TM9SF2: variants seen among roughly 807,000 people sequenced by gnomAD.
TM9SF2 encodes the protein 76 kDa membrane protein.
A neutral mutation model predicts 84.9 loss-of-function variants in TM9SF2; 13 were observed. The observed-to-expected ratio is 0.15, with a 90% CI of 0.10 to 0.24. TM9SF2 has a LOEUF of 0.24. Among genes scored for constraint, TM9SF2 ranks in the 10% least tolerant of loss-of-function variants. The pLI is 1.00. For missense variants in TM9SF2, 562 were observed against 818.5 expected, an observed-to-expected ratio of 0.69 and a Z score of 3.82; for synonymous variants, 273 against 285.8, an observed-to-expected ratio of 0.96 and a Z score of 0.45.
At chr13:99,556,542 C>T (rs190362610) in intron 15 of TM9SF2, among the ~76,000 whole-genome samples, 1 of 148,084 alleles carries the variant, frequency 6.8e-6, no homozygotes, top group Non-Finnish European at 1.5e-5. Context: ...CAGGGTTCAT[C>T]ATATCATGGC....
At chr13:99,512,066 G>A (rs553396981) in intron 1 of TM9SF2, among the ~76,000 whole-genome samples, 1 of 152,306 alleles carries the variant, frequency 6.6e-6, no homozygotes, top group South Asian at 2.1e-4. Context: ...CTGTCTTAGT[G>A]TCCTTTAAAA....
At chr13:99,517,564 G>A in intron 1 of TM9SF2, 50 bp from the exon 2 acceptor site, 1 of 1,250,264 alleles carries the variant, frequency 8.0e-7, no homozygotes, top group African/African-American at 1.5e-5. Flanking sequence ...ATGACTTAAG[G>A]CTTTGTGTCC....
At chr13:99,538,035 A>T (rs562318423) in intron 6 of TM9SF2, among the ~76,000 whole-genome samples, 172 bp downstream of exon 6, 1 of 152,200 alleles carries the variant, frequency 6.6e-6, no homozygotes, top group Non-Finnish European at 1.5e-5. Context: ...AACCATACCA[A>T]TAGTTATTTT....
chr13:99,512,300 C>A (rs1439056972), intron 1 of TM9SF2, among the ~76,000 whole-genome samples: 3 of 152,172 alleles, frequency 2.0e-5, no homozygotes, highest in African/African-American at 4.8e-5. Flanking sequence ...ATTATGATAT[C>A]ATTCAGTTCC....
chr13:99,513,066 G>A (rs73558202), intron 1 of TM9SF2, among the ~76,000 whole-genome samples: 3,775 of 152,264 alleles, frequency 0.025, 164 homozygotes, highest in African/African-American at 0.086. Flanking sequence ...TATCTGAAGA[G>A]AAACAGTTAC....
chr13:99,545,565 T>C (rs776713441), intron 10 of TM9SF2, among the ~76,000 whole-genome samples: 4 of 149,834 alleles, frequency 2.7e-5, no homozygotes, highest in Non-Finnish European at 4.5e-5. Flanking sequence ...ACTTCTGCTT[T>C]CTTTCTTTCT....
intron 16 of TM9SF2, among the ~76,000 whole-genome samples, chr13:99,560,605 T>G (rs2046340800): frequency 6.6e-6 from 1 of 152,258 alleles, no homozygotes; most frequent in South Asian, 2.1e-4. Context: ...TCATTGTGAA[T>G]ATCTGTTGTT....
rs775196724 is a variant in TM9SF2 at position 99,501,702 on chromosome 13, G to C, written c.96G>C (p.Arg32=). The C allele has an allele frequency of 2.5e-5, 40 of 1,611,586 alleles. No homozygotes were observed. The highest frequency in any genetic ancestry group is 3.4e-5 in the Admixed American group (2 of 59,330). ...TGGGGGCGGTTCCTGGCCCGCGCCG[G>C]AGCGGCGCTTTCTACCTGCCCGGCC... is the stretch of plus-strand genomic sequence containing the variant. ...LLLGAVPGPR[R]SGAFYLPGLA... is the part of the protein sequence containing the mutation. The change falls in exon 1 of 17, where the codon CGG becomes CGC. Residue 32 remains arginine (R), a synonymous_variant. Transcript: ENST00000376387.
intron 1 of TM9SF2, among the ~76,000 whole-genome samples, chr13:99,509,673 C>G (rs2046104925): frequency 6.6e-6 from 1 of 152,160 alleles, no homozygotes; most frequent in Non-Finnish European, 1.5e-5. Flanking sequence ...ACCTATAAAC[C>G]CATTCAGTCC....
At chr13:99,555,972 G>T (rs1350035144) in intron 15 of TM9SF2, among the ~76,000 whole-genome samples, 1 of 151,798 alleles carries the variant, frequency 6.6e-6, no homozygotes, top group Non-Finnish European at 1.5e-5. Context: ...TGAGATAAAA[G>T]AATATAAAAT....
chr13:99,556,008 T>A (rs916335710), intron 15 of TM9SF2, among the ~76,000 whole-genome samples: 6 of 151,874 alleles, frequency 4.0e-5, no homozygotes, highest in East Asian at 1.9e-4. Flanking sequence ...ACAAAAAAAA[T>A]TTTAGACTGA....
intron 15 of TM9SF2, among the ~76,000 whole-genome samples, chr13:99,558,179 A>G (rs567027029): frequency 3.5e-4 from 54 of 152,362 alleles, no homozygotes; most frequent in Admixed American, 1.2e-3. Context: ...CCAGTGGTCT[A>G]TATGCTGCCC....
chr13:99,532,735 T>C (rs1213035749), intron 4 of TM9SF2, among the ~76,000 whole-genome samples: 1 of 152,238 alleles, frequency 6.6e-6, no homozygotes, highest in Admixed American at 6.5e-5. Flanking sequence ...AAGATTTCAT[T>C]ATAATGCCAA....
At position 99,540,769 on chromosome 13, in the gene TM9SF2, C is replaced by T; in HGVS notation, c.884C>T (p.Pro295Leu). ...SRWDYILESM[P>L]HTHIQWFSIM... ...TGGGACTATATTCTGGAGTCTATGC[C>T]TCATACCCACATTCAGTGGTTTAGG... Residue 295 changes from proline to leucine, a missense_variant, in exon 8 of 17, where the codon CCT becomes CTT. Transcript: ENST00000376387. The T allele has an allele frequency of 6.2e-7, 1 of 1,613,714 alleles. No individual in the cohort carries two copies. The highest frequency in any genetic ancestry group is 8.5e-7 in the Non-Finnish European group (1 of 1,179,836).
chr13:99,532,307 C>T (rs1760661130), intron 4 of TM9SF2, among the ~76,000 whole-genome samples: 1 of 152,068 alleles, frequency 6.6e-6, no homozygotes, highest in Non-Finnish European at 1.5e-5. Flanking sequence ...GCCTCTGCCT[C>T]CCAAAGTGCT....
chr13:99,501,556 C>T lies in TM9SF2; in HGVS notation c.-51C>T. On this transcript the variant is annotated 5_prime_UTR_variant, in exon 1 of 17. Coordinates refer to ENST00000376387, the MANE Select transcript of TM9SF2 (RefSeq NM_004800.3). ...TCGTCTCCGAGACTCCCCACCCCTC[C>T]TTCCCTCTTGACCCCCTAGGTTTGA... 10 of 1,585,238 alleles carry T rather than the reference C, an allele frequency of 6.3e-6. No homozygotes were observed. Among genetic ancestry groups the T allele is most frequent in the Non-Finnish European group, 8.6e-6 (10 of 1,165,676 alleles).
chr13:99,561,009 C>G (rs1463268925), intron 16 of TM9SF2, among the ~76,000 whole-genome samples: 1 of 152,192 alleles, frequency 6.6e-6, no homozygotes, highest in Non-Finnish European at 1.5e-5. Flanking sequence ...GTTATATTTT[C>G]ATTCATTCAG....
intron 1 of TM9SF2, among the ~76,000 whole-genome samples, chr13:99,508,588 G>A (rs28545602): frequency 0.025 from 3,763 of 152,020 alleles, 161 homozygotes; most frequent in African/African-American, 0.086. Context: ...TGTTTAATTG[G>A]CCCACAGTTC....
chr13:99,530,804 C>T (rs2046205208), intron 4 of TM9SF2, among the ~76,000 whole-genome samples: 1 of 152,112 alleles, frequency 6.6e-6, no homozygotes, highest in African/African-American at 2.4e-5. Context: ...GTATTTAAAA[C>T]TGTCCTGTTT....
Sources: gnomAD v4.1 joint callset for allele counts (sites outside exome capture counted in the v4.1 genomes callset) on GRCh38, gnomAD v4.1.1 for gene constraint, MANE v1.5 for transcripts, NCBI Gene and HGNC (gene_info 2026-07-23, HGNC 2026-07-21) for gene names.